Variants in SYT1 observed in about 807,000 individuals in gnomAD.
SYT1 encodes synaptotagmin 1, also known as synaptotagmin-1.
SYT1 carries 8 observed loss-of-function variants against 44.8 expected under a neutral mutation model. That is an observed-to-expected ratio of 0.18 (90% confidence interval 0.10 to 0.32). The LOEUF (loss-of-function observed/expected upper bound fraction) is 0.32. SYT1 is among the 10% of genes least tolerant of loss of function. SYT1 has a pLI of 1.00. For missense variants in SYT1, 286 were observed against 509.3 expected (o/e 0.56, Z 4.22); for synonymous variants, 154 against 188.8 (o/e 0.82, Z 1.51).
At chr12:79,355,362 A>C (rs1565923151) in intron 9 of SYT1, among the ~76,000 whole-genome samples, 1 of 152,212 alleles carries the variant, frequency 6.6e-6, no homozygotes, top group Non-Finnish European at 1.5e-5. Context: ...GTCATACCTA[A>C]TTTTGTATTC....
intron 1 of SYT1, among the ~76,000 whole-genome samples, chr12:78,919,911 C>T (rs953441176): frequency 6.6e-6 from 1 of 151,880 alleles, no homozygotes; most frequent in Non-Finnish European, 1.5e-5. Flanking sequence ...ATATGTCAAG[C>T]ATAATACAAA....
At chr12:79,178,366 T>C (rs1465168988) in intron 3 of SYT1, among the ~76,000 whole-genome samples, 1 of 152,068 alleles carries the variant, frequency 6.6e-6, no homozygotes, top group African/African-American at 2.4e-5. Context: ...TTCTTTTTCA[T>C]GCTCGTATTG....
intron 6 of SYT1, among the ~76,000 whole-genome samples, chr12:79,292,769 T>G (rs764208980): frequency 7.9e-5 from 12 of 152,128 alleles, no homozygotes; most frequent in Non-Finnish European, 1.6e-4. Context: ...CGGACATTTT[T>G]GCTTCAATTT....
intron 4 of SYT1, among the ~76,000 whole-genome samples, chr12:79,261,881 G>T (rs969029181): frequency 1.3e-5 from 2 of 152,126 alleles, no homozygotes; most frequent in Non-Finnish European, 2.9e-5. Flanking sequence ...ATACCATGAA[G>T]AGTGGAAGTA....
intron 9 of SYT1, among the ~76,000 whole-genome samples, chr12:79,422,452 G>C (rs1386688256): frequency 6.6e-6 from 1 of 150,940 alleles, no homozygotes; most frequent in Non-Finnish European, 1.5e-5. Flanking sequence ...GCTTTATCTG[G>C]ATCTTCTCTG....
At chr12:78,970,136 G>A (rs973873094) in intron 1 of SYT1, among the ~76,000 whole-genome samples, 1 of 152,158 alleles carries the variant, frequency 6.6e-6, no homozygotes, top group Non-Finnish European at 1.5e-5. Flanking sequence ...GTTGCTGCTA[G>A]AGTCATAGAA....
chr12:79,070,885 G>A (rs1876226962), intron 3 of SYT1, among the ~76,000 whole-genome samples: 2 of 151,422 alleles, frequency 1.3e-5, no homozygotes, highest in Non-Finnish European at 2.9e-5. Flanking sequence ...AAAGTTGAAA[G>A]GAAAAAAAAG....
chr12:79,408,544 A>G (rs1373213328), intron 9 of SYT1, among the ~76,000 whole-genome samples: 1 of 152,158 alleles, frequency 6.6e-6, no homozygotes, highest in Non-Finnish European at 1.5e-5. Flanking sequence ...CAGGGAATAA[A>G]GAAGTCTTCC....
chr12:79,203,029 G>T (rs112011434), intron 3 of SYT1, among the ~76,000 whole-genome samples: 6 of 152,166 alleles, frequency 3.9e-5, no homozygotes, highest in African/African-American at 1.4e-4. Flanking sequence ...GCACATGTAG[G>T]TAAAGAGTAT....
chr12:79,002,566 T>A (rs1307827781), intron 2 of SYT1, among the ~76,000 whole-genome samples: 1 of 152,042 alleles, frequency 6.6e-6, no homozygotes, highest in Admixed American at 6.6e-5. Flanking sequence ...AATTTCGGTA[T>A]CCAGGTAGGG....
chr12:79,210,623 C>T (rs981438892), intron 3 of SYT1, among the ~76,000 whole-genome samples: 2 of 152,038 alleles, frequency 1.3e-5, no homozygotes, highest in Non-Finnish European at 2.9e-5. Flanking sequence ...ATAAATATAC[C>T]GCAGTTTCTT....
intron 9 of SYT1, among the ~76,000 whole-genome samples, chr12:79,413,865 T>G (rs1156791575): frequency 6.6e-6 from 1 of 152,164 alleles, no homozygotes; most frequent in Non-Finnish European, 1.5e-5. Flanking sequence ...AAAATAATCC[T>G]CTAACAGCAA....
chr12:79,090,150 A>G (rs1170516335), intron 3 of SYT1, among the ~76,000 whole-genome samples: 1 of 152,086 alleles, frequency 6.6e-6, no homozygotes, highest in African/African-American at 2.4e-5. Flanking sequence ...TGTTTTGAAG[A>G]TAGAACAAAT....
intron 2 of SYT1, among the ~76,000 whole-genome samples, chr12:79,008,447 A>G (rs1460280460): frequency 6.6e-6 from 1 of 152,204 alleles, no homozygotes; most frequent in African/African-American, 2.4e-5. Context: ...TTCAGCAGAT[A>G]AATACTATGA....
intron 3 of SYT1, among the ~76,000 whole-genome samples, chr12:79,159,086 A>T (rs916002446): frequency 6.6e-6 from 1 of 152,184 alleles, no homozygotes; most frequent in Admixed American, 6.5e-5. Flanking sequence ...ACCAGATTGG[A>T]AAAGGCCTCT....
Position 79,217,544 on chromosome 12 carries a change from G to C in SYT1, c.25G>C (p.Ala9Pro). MVSESHHEALAAPPVTTVA... is the reference protein window; with the variant it reads MVSESHHEPLAAPPVTTVA... ...AATGGTGAGCGAGAGTCACCATGAG[G>C]CCCTGGCAGCCCCGCCTGTCACCAC... Residue 9 changes from alanine to proline, a missense_variant, in exon 4 of 11, where the codon GCC (alanine) becomes CCC (proline). This residue lies in a region of SYT1 where 141 missense variants were observed against 165.7 expected (regional missense o/e 0.85). Transcript: ENST00000261205. 6.2e-7 allele frequency: 1 copy of C among 1,601,770 alleles called. No individual in the cohort carries two copies. The highest frequency in any genetic ancestry group is 8.5e-7 in the Non-Finnish European group (1 of 1,174,636).
At chr12:79,273,551 A>G (rs1039298508) in intron 4 of SYT1, among the ~76,000 whole-genome samples, 7 of 152,184 alleles carry the variant, frequency 4.6e-5, no homozygotes, top group African/African-American at 1.7e-4. Context: ...GACCATCACC[A>G]TGATTCTCAT....
chr12:78,864,450 G>A (rs1873420233), upstream of SYT1: 1 of 151,968 alleles, frequency 6.6e-6, no homozygotes, highest in African/African-American at 2.4e-5. Flanking sequence ...TCTACCTAGA[G>A]GTTTTATCAG....
At chr12:78,885,552 C>T (rs911172176) in intron 1 of SYT1, among the ~76,000 whole-genome samples, 1 of 152,032 alleles carries the variant, frequency 6.6e-6, no homozygotes, top group Non-Finnish European at 1.5e-5. Context: ...CTGAAAATCA[C>T]ATTTCACCAC....
Sources: allele counts gnomAD v4.1 joint callset (sites outside exome capture counted in the v4.1 genomes callset), GRCh38; gene constraint gnomAD v4.1.1; regional missense constraint gnomAD v4.1.1; transcripts MANE v1.5; gene names NCBI Gene and HGNC (gene_info 2026-07-23, HGNC 2026-07-21).